The following MYT1 variants were observed in gnomAD, a reference collection of about 807,000 sequenced individuals.
The protein encoded by MYT1 is myelin transcription factor 1.
In MYT1, 23 loss-of-function variants were observed where a neutral mutation model predicts 123.0. The ratio of observed to expected loss-of-function variants is 0.19; its 90% CI spans 0.13 to 0.26. The LOEUF (loss-of-function observed/expected upper bound fraction) is 0.26, where lower values mean the gene tolerates loss of function less well. MYT1 is among the 10% of genes least tolerant of loss of function. The pLI, the probability that MYT1 is intolerant of heterozygous loss-of-function variation, is 1.00. For missense variants in MYT1, 1,125 were observed against 1,472.5 expected, an observed-to-expected ratio of 0.76 and a Z score of 3.86; for synonymous variants, 518 against 575.3, an observed-to-expected ratio of 0.90 and a Z score of 1.43.
rs1031891712 is a variant in MYT1 at position 64,186,357 on chromosome 20, C to T, written c.-98-3706C>T. Among the ~76,000 whole-genome samples the T allele has an allele frequency of 1.3e-5, 2 of 152,156 alleles. No individual in the cohort carries two copies. Among genetic ancestry groups the T allele is most frequent in the African/African-American group, 2.4e-5 (1 of 41,434 alleles). On this transcript the variant is annotated intron_variant, in intron 1 of 22. Transcript: ENST00000328439. The surrounding 1 kb of genome is among the most constrained non-coding windows in gnomAD (Gnocchi z 4.3). The stretch of plus-strand genomic sequence containing the variant: ...CAGGATGGAGCGGTCTCTGATGTTC[C>T]GTTTCCCATTCGCATCCACGAGCAG...
Position 64,212,131 on chromosome 20 carries a change from C to A in MYT1, c.1510C>A (p.His504Asn), listed in dbSNP as rs1275548194. The change falls in exon 9 of 23, where the codon CAC (histidine) becomes AAC (asparagine). Residue 504 changes from histidine (H) to asparagine (N), a missense_variant. His to Asn is a moderately conservative substitution (Grantham distance 68, BLOSUM62 1). Coordinates refer to ENST00000328439, the MANE Select transcript of MYT1 (RefSeq NM_004535.3). The surrounding 1 kb of genome is among the most constrained non-coding windows in gnomAD (Gnocchi z 6.8). ...TCACGTGAACAGCAACCGCAACACGCACAGAAGGTACTTGGACTGAGCTGG... is the reference window on the plus strand; with the variant it reads ...TCACGTGAACAGCAACCGCAACACGAACAGAAGGTACTTGGACTGAGCTGG... The part of the protein sequence containing the change: ...QGHVNSNRNT[H>N]RSLSGCPIAA... The A allele has an allele frequency of 6.2e-7, 1 of 1,609,656 alleles. No individual in the cohort carries two copies. Among genetic ancestry groups the A allele is most frequent in the African/African-American group, 1.3e-5 (1 of 74,440 alleles).
chr20:64,208,796 G>A lies in MYT1; in HGVS notation c.1291+309G>A, dbSNP rs1983578683. Among the ~76,000 whole-genome samples the A allele has an allele frequency of 6.6e-6, 1 of 152,230 alleles. No homozygotes were observed. ...GTCACAGCAGCATCTGGGGTCTGGA[G>A]AGGGTGGGGACCGTCCTGTCCCTTC... On this transcript the variant is annotated intron_variant, in intron 7 of 22. Transcript: ENST00000328439. The surrounding 1 kb of genome is among the most constrained non-coding windows in gnomAD (Gnocchi z 5.4).
intron 1 of MYT1, among the ~76,000 whole-genome samples, chr20:64,169,225 G>T (rs1982171773): frequency 6.6e-6 from 1 of 152,146 alleles, no homozygotes. Context: ...ACCAAGGCCT[G>T]CTTTAGAAGG....
intron 1 of MYT1, among the ~76,000 whole-genome samples, chr20:64,171,173 C>T (rs1384776275): frequency 6.6e-5 from 10 of 151,950 alleles, no homozygotes; most frequent in African/African-American, 1.2e-4. Context: ...CCTGCCTCCG[C>T]CTCCCAAAGT....
At chr20:64,236,340 G>A (rs1420830083) in intron 19 of MYT1, among the ~76,000 whole-genome samples, 9 of 145,154 alleles carry the variant, frequency 6.2e-5, no homozygotes, top group South Asian at 2.3e-4. Context: ...GGCTGGCCGC[G>A]GTGGGTGACC....
intron 20 of MYT1, 32 bp downstream of exon 20, chr20:64,236,678 T>C (rs1984561924): frequency 1.3e-6 from 2 of 1,568,086 alleles, no homozygotes; most frequent in Non-Finnish European, 1.8e-6. Flanking sequence ...TCCCTGCTCA[T>C]GGCTGGGTGC....
intron 3 of MYT1, 28 bp from the exon 4 acceptor site, chr20:64,199,864 G>GA: frequency 6.2e-7 from 1 of 1,612,798 alleles, no homozygotes; most frequent in East Asian, 2.2e-5. Context: ...ATTCCCACAT[G>GA]TTTTCCCTGT....
chr20:64,228,503 T>C (rs1276305983), intron 18 of MYT1, among the ~76,000 whole-genome samples: 1 of 152,224 alleles, frequency 6.6e-6, no homozygotes. Flanking sequence ...GAGGACATCT[T>C]GGGCCTTAAG....
At chr20:64,197,151 G>A (rs754869718) in intron 2 of MYT1, among the ~76,000 whole-genome samples, 4 of 152,186 alleles carry the variant, frequency 2.6e-5, no homozygotes, top group African/African-American at 4.8e-5. Context: ...TGTAATAAAC[G>A]CACGGCTCAC....
intron 19 of MYT1, among the ~76,000 whole-genome samples, chr20:64,235,546 G>A (rs540905708): frequency 1.0e-4 from 14 of 137,978 alleles, no homozygotes; most frequent in South Asian, 7.4e-4. Context: ...GGGGCTGGCC[G>A]TGGTATGTGA....
At position 64,180,074 on chromosome 20, in the gene MYT1, TAC is replaced by T. The variant is rs370038619; in HGVS notation, c.-98-9981_-98-9980del. On this transcript the variant is annotated intron_variant, in intron 1 of 22. Coordinates refer to ENST00000328439, the MANE Select transcript of MYT1 (RefSeq NM_004535.3). ...CACACAGTTACACACCACACGCAGT[TAC>T]ACACACATGCTACACACAGGTACAT... Among the ~76,000 whole-genome samples, 89 of 147,630 alleles carry T rather than the reference TAC, an allele frequency of 6.0e-4. No individual in the cohort carries two copies. In the East Asian group the frequency reaches 0.014, roughly 23 times the overall value.
chr20:64,235,630 C>G (rs1323977956), intron 19 of MYT1, among the ~76,000 whole-genome samples: 2 of 136,206 alleles, frequency 1.5e-5, no homozygotes, highest in Non-Finnish European at 1.6e-5. Flanking sequence ...GGTGGGTGAC[C>G]CTGGGCTGGC....
rs189790246 is a variant in MYT1 at position 64,224,072 on chromosome 20, T to C, written c.2528+713T>C. Reference sequence around the variant, plus strand: ...CTCCTGGGGCTGGAGTCAGGGACTGTTACTGCCTTTGGTTTTCATGCCTCC... The same window carrying C: ...CTCCTGGGGCTGGAGTCAGGGACTGCTACTGCCTTTGGTTTTCATGCCTCC... On this transcript the variant is annotated intron_variant, in intron 16 of 22. Transcript: ENST00000328439. 1.7e-3 allele frequency among the ~76,000 whole-genome samples: 253 copies of C among 152,314 alleles called. 1 individual carries two copies. The highest frequency in any genetic ancestry group is 5.8e-3 in the African/African-American group (241 of 41,568).
Position 64,186,954 on chromosome 20 carries a change from G to T in MYT1, c.-98-3109G>T. Among the ~76,000 whole-genome samples, 1 of 145,322 alleles carries T rather than the reference G, an allele frequency of 6.9e-6. No individual in the cohort carries two copies. The highest frequency in any genetic ancestry group is 2.6e-5 in the African/African-American group (1 of 38,358). ...GAGTTTTCCTGTAGCACGTGGCTCC[G>T]GCATCCACGTTTCCGTGGAGAGTTT... is the stretch of plus-strand genomic sequence containing the variant. On this transcript the variant is annotated intron_variant, in intron 1 of 22. Coordinates refer to ENST00000328439, the MANE Select transcript of MYT1 (RefSeq NM_004535.3). This position sits in a 1 kb window ranked among gnomAD's most constrained non-coding sequence, Gnocchi z 4.3.
At chr20:64,206,717 G>A (rs1041012546) in intron 6 of MYT1, among the ~76,000 whole-genome samples, 3 of 152,180 alleles carry the variant, frequency 2.0e-5, no homozygotes, top group African/African-American at 7.2e-5. Flanking sequence ...AGGTAGAAAA[G>A]ACACACATTT....
intron 18 of MYT1, among the ~76,000 whole-genome samples, chr20:64,230,091 C>T (rs1458700082): frequency 6.6e-6 from 1 of 152,216 alleles, no homozygotes; most frequent in Non-Finnish European, 1.5e-5. Flanking sequence ...AAAGTCTCCA[C>T]ACCAGGTTTT....
At chr20:64,173,418 G>T (rs992642080) in intron 1 of MYT1, among the ~76,000 whole-genome samples, 1 of 152,050 alleles carries the variant, frequency 6.6e-6, no homozygotes, top group Non-Finnish European at 1.5e-5. Flanking sequence ...GGAGCAGGAG[G>T]GAGCCCATAC....
chr20:64,213,799 GCCC>G lies in MYT1; in HGVS notation c.1631+154_1631+156del, dbSNP rs1568713558. 1 of 679,598 alleles carries G rather than the reference GCCC, an allele frequency of 1.5e-6. No homozygotes were observed. The highest frequency in any genetic ancestry group is 2.5e-6 in the Non-Finnish European group (1 of 398,438). 42.1% of individuals were successfully genotyped at this position (679,598 alleles called of 1,614,324 possible). Reference sequence around the variant, plus strand: ...TGTACGTGCATGTGAGTGTGCACATGCCCCGGGCCCCCCAGGAGCAGAACTGCG... The same window carrying G: ...TGTACGTGCATGTGAGTGTGCACATGCGGGCCCCCCAGGAGCAGAACTGCG... On this transcript the variant is annotated intron_variant, in intron 10 of 22. Transcript: ENST00000328439. This position sits in a 1 kb window ranked among gnomAD's most constrained non-coding sequence, Gnocchi z 5.6.
chr20:64,207,882 C>A lies in MYT1; in HGVS notation c.686C>A (p.Thr229Asn). 1 of 1,613,164 alleles carries A rather than the reference C, an allele frequency of 6.2e-7. No individual in the cohort carries two copies. The highest frequency in any genetic ancestry group is 8.5e-7 in the Non-Finnish European group (1 of 1,179,836). The change falls in exon 7 of 23, where the codon ACC becomes AAC. Residue 229 changes from threonine to asparagine, a missense_variant. Around this residue, in one of 4 missense-constraint regions of MYT1, gnomAD observed 406 missense variants for 432.2 expected, o/e 0.94. Transcript: ENST00000328439. The stretch of plus-strand genomic sequence containing the variant: ...GCCGAGGAGGTCGTCGAAGTCACCA[C>A]CGAGCGCTCCCAGGACCTGTGTCCC... ...EDAEEVVEVTTERSQDLCPQS... is the reference protein window; with the variant it reads ...EDAEEVVEVTNERSQDLCPQS...
Sources: allele counts gnomAD v4.1 joint callset (sites outside exome capture counted in the v4.1 genomes callset), GRCh38; gene constraint gnomAD v4.1.1; regional missense constraint gnomAD v4.1.1; non-coding constraint Gnocchi (gnomAD v3.1); transcripts MANE v1.5; gene names NCBI Gene and HGNC (gene_info 2026-07-23, HGNC 2026-07-21).